CLK1: variants seen among roughly 807,000 people sequenced by gnomAD.
CLK1 encodes the protein CDC like kinase 1, also known as dual specificity protein kinase CLK1.
Under a neutral mutation model 60.9 loss-of-function variants are expected in CLK1, and 40 were observed. The ratio of observed to expected loss-of-function variants is 0.66; its 90% confidence interval spans 0.51 to 0.86. The LOEUF (loss-of-function observed/expected upper bound fraction) is 0.86. Ranked by LOEUF, CLK1 falls within the 40% of genes least tolerant of loss-of-function variation. The pLI, the probability that CLK1 is intolerant of heterozygous loss-of-function variation, is 0.00. For missense variants in CLK1, 563 were observed against 606.1 expected (o/e 0.93, Z 0.75); for synonymous variants, 203 against 184.4 (o/e 1.10, Z -0.82).
At chr2:200,862,193 T>C (rs750188450) in intron 1 of CLK1, among the ~76,000 whole-genome samples, 4 of 152,056 alleles carry the variant, frequency 2.6e-5, no homozygotes, top group Non-Finnish European at 5.9e-5. Flanking sequence ...AGTACAAATA[T>C]AGCACTATAG....
intron 5 of CLK1, among the ~76,000 whole-genome samples, chr2:200,859,025 T>C (rs888324344): frequency 3.9e-5 from 6 of 151,922 alleles, no homozygotes; most frequent in African/African-American, 1.4e-4. Context: ...ACAATACTAA[T>C]ACAAACAATA....
rs1490844187 is a variant in CLK1 at position 200,857,004 on chromosome 2, T to C, written c.833-19A>G. ...TGCAAAACTGAGAATAAAGAGAAAG[T>C]TGCTGTAATCAGAAAACACCAAACC... is the stretch of plus-strand genomic sequence containing the variant. On this transcript the variant is annotated intron_variant, in intron 7 of 12. Coordinates refer to ENST00000321356, the MANE Select transcript of CLK1 (RefSeq NM_004071.4). 3.7e-6 allele frequency: 6 copies of C among 1,602,612 alleles called. No individual in the cohort carries two copies. In the South Asian group the frequency reaches 5.5e-5, roughly 15 times the overall value.
At position 200,856,964 on chromosome 2, in the gene CLK1, G is replaced by C; in HGVS notation, c.854C>G (p.Thr285Ser). The C allele has an allele frequency of 6.2e-7, 1 of 1,613,902 alleles. No individual in the cohort carries two copies. ...SVNFLHSNKLTHTDLKPENIL... is the reference protein window; with the variant it reads ...SVNFLHSNKLSHTDLKPENIL... Reference sequence around the variant, plus strand: ...GTTTTCAGGCTTTAAGTCTGTGTGAGTCAACTTATTACTGTGCAAAACTGA... The same window carrying C: ...GTTTTCAGGCTTTAAGTCTGTGTGACTCAACTTATTACTGTGCAAAACTGA... The change falls in exon 8 of 13, where the codon ACT (threonine) becomes AGT (serine). Residue 285 changes from threonine (T) to serine (S), a missense_variant. Coordinates refer to ENST00000321356, the MANE Select transcript of CLK1 (RefSeq NM_004071.4).
At position 200,853,240 on chromosome 2, in the gene CLK1, T is replaced by TA; in HGVS notation, c.*65dup. The TA allele has an allele frequency of 7.9e-7, 1 of 1,262,098 alleles. No individual in the cohort carries two copies. The highest frequency in any genetic ancestry group is 1.6e-5 in the South Asian group (1 of 62,046). The allele number at this position is 1,262,098 out of a possible 1,614,324, so 78.2% of individuals were successfully genotyped here. A position where few individuals can be genotyped will look rare whatever the true frequency, so the allele number is the denominator to read the frequency against. ...ATTTACAAAGCTGTACAAAATAACTTAAAATTTAAAAATTAGACTGATACA... is the reference window on the plus strand; with the variant it reads ...ATTTACAAAGCTGTACAAAATAACTTAAAAATTTAAAAATTAGACTGATACA... On this transcript the variant is annotated 3_prime_UTR_variant, in exon 13 of 13. Coordinates refer to ENST00000321356, the MANE Select transcript of CLK1 (RefSeq NM_004071.4).
At chr2:200,856,158 C>T (rs566437716) in intron 9 of CLK1, among the ~76,000 whole-genome samples, 1 of 152,026 alleles carries the variant, frequency 6.6e-6, no homozygotes, top group South Asian at 2.1e-4. Flanking sequence ...CTGCAACCTC[C>T]GCCTCCCGGT....
At chr2:200,864,193 A>T (rs747479913) in intron 1 of CLK1, 1 of 1,550,572 alleles carries the variant, frequency 6.4e-7, no homozygotes, top group Non-Finnish European at 8.7e-7. Context: ...CTTTCCGGCC[A>T]CAGGGCCGAA....
intron 5 of CLK1, among the ~76,000 whole-genome samples, chr2:200,859,325 C>A (rs1222149277): frequency 1.3e-5 from 2 of 152,158 alleles, no homozygotes; most frequent in African/African-American, 4.8e-5. Flanking sequence ...CTGAAAAGGT[C>A]TGGGGTAGGC....
rs868306060 is a variant in CLK1, at chr2:200,853,054, G to C, written c.*252C>G. Reference sequence around the variant, plus strand: ...GAAGTAGGAAGAAAAATGGTACTTAGAACAAACTGTTCAGATACATATCAA... The same window carrying C: ...GAAGTAGGAAGAAAAATGGTACTTACAACAAACTGTTCAGATACATATCAA... On this transcript the variant is annotated 3_prime_UTR_variant, in exon 13 of 13. Transcript: ENST00000321356. The C allele has an allele frequency of 3.4e-6, 1 of 291,482 alleles. No individual in the cohort carries two copies. 18.1% of individuals were successfully genotyped at this position (291,482 alleles called of 1,614,324 possible). A position where few individuals can be genotyped will look rare whatever the true frequency, so the allele number is the denominator to read the frequency against.
At chr2:200,855,203 CA>C in intron 9 of CLK1, 117 bp from the exon 10 acceptor site, 1 of 701,998 alleles carries the variant, frequency 1.4e-6, no homozygotes, top group Non-Finnish European at 2.3e-6. Flanking sequence ...AGGCTGGGCA[CA>C]GTGGCTCACA....
intron 9 of CLK1, among the ~76,000 whole-genome samples, chr2:200,856,051 A>G (rs73059112): frequency 1.3e-3 from 204 of 151,544 alleles, no homozygotes; most frequent in African/African-American, 4.9e-3. Context: ...ATATAGTGTT[A>G]TATATAGTCT....
At chr2:200,860,958 A>G in intron 3 of CLK1, 1 of 1,188,480 alleles carries the variant, frequency 8.4e-7, no homozygotes, top group Non-Finnish European at 1.0e-6. Flanking sequence ...CTTTTAGAAT[A>G]TTTTGTAATA....
chr2:200,859,999 G>T (rs1008126610), intron 4 of CLK1, 126 bp downstream of exon 4: 1 of 1,444,858 alleles, frequency 6.9e-7, no homozygotes, highest in South Asian at 1.5e-5. Flanking sequence ...CCCACCAAAA[G>T]AAATGGAAAA....
At chr2:200,854,535 CAAA>C (rs5837758) in intron 11 of CLK1, 78 bp downstream of exon 11, 1,753 of 691,952 alleles carry the variant, frequency 2.5e-3, no homozygotes, top group Non-Finnish European at 2.8e-3. Context: ...GACTCCATCT[CAAA>C]AAAAAAAAAA....
intron 8 of CLK1, 30 bp downstream of exon 8, chr2:200,856,861 G>T (rs1177469285): frequency 6.2e-7 from 1 of 1,613,810 alleles, no homozygotes; most frequent in South Asian, 1.1e-5. Context: ...TAAGGCATAA[G>T]ATACTTTATG....
At chr2:200,860,304 G>A (rs543256219) in intron 3 of CLK1, 89 bp from the exon 4 acceptor site, 27 of 1,584,906 alleles carry the variant, frequency 1.7e-5, no homozygotes, top group Middle Eastern at 1.7e-4. Flanking sequence ...TTCATTCAGC[G>A]GGGAGATATT....
chr2:200,864,152 C>T (rs1230657857), intron 1 of CLK1: 23 of 1,551,346 alleles, frequency 1.5e-5, no homozygotes, highest in Non-Finnish European at 2.0e-5. Context: ...TCTGGAACCC[C>T]AGCAAATCCC....
intron 1 of CLK1, among the ~76,000 whole-genome samples, chr2:200,862,568 T>C (rs2039157358): frequency 6.6e-6 from 1 of 152,162 alleles, no homozygotes; most frequent in Non-Finnish European, 1.5e-5. Flanking sequence ...CCCACCACCC[T>C]TTGCCGACTC....
Position 200,854,232 on chromosome 2 carries a change from T to TA in CLK1, c.1221-240_1221-239insT. Reference sequence around the variant, plus strand: ...GCCTGAGACTTGGTAGAGTGAAAATTTAAAAAAAAAAATTAAGTTCTGGCC... The same window carrying TA: ...GCCTGAGACTTGGTAGAGTGAAAATTATAAAAAAAAAAATTAAGTTCTGGCC... On this transcript the variant is annotated intron_variant, in intron 11 of 12. Coordinates refer to ENST00000321356, the MANE Select transcript of CLK1 (RefSeq NM_004071.4). The TA allele has an allele frequency of 2.6e-5, 10 of 382,964 alleles. No individual in the cohort carries two copies. The East Asian group carries it at 3.0e-4, about 12-fold the overall frequency. 23.7% of individuals were successfully genotyped at this position (382,964 alleles called of 1,614,324 possible).
At chr2:200,855,952 T>C (rs963048655) in intron 9 of CLK1, among the ~76,000 whole-genome samples, 7 of 150,690 alleles carry the variant, frequency 4.6e-5, no homozygotes, top group African/African-American at 2.4e-5. Flanking sequence ...GAAGTTGCAG[T>C]GAGCCAAGAT....
Sources: allele counts gnomAD v4.1 joint callset (sites outside exome capture counted in the v4.1 genomes callset), GRCh38; gene constraint gnomAD v4.1.1; transcripts MANE v1.5; gene names NCBI Gene and HGNC (gene_info 2026-07-23, HGNC 2026-07-21).